The following FBXO8 variants were observed in gnomAD, a reference collection of about 807,000 sequenced individuals.
The protein encoded by FBXO8 is F-box protein 8, also known as F-box only protein 8.
In FBXO8, 15 loss-of-function variants were observed where a neutral mutation model predicts 33.4. The ratio of observed to expected loss-of-function variants is 0.45; its 90% CI spans 0.30 to 0.69. FBXO8 has a LOEUF of 0.69. FBXO8 is among the 30% of genes least tolerant of loss of function. The pLI is 0.08. For synonymous variants in FBXO8, 132 were observed against 131.5 expected (o/e 1.00, Z -0.02); for missense variants, 274 against 380.3 (o/e 0.72, Z 2.32).
rs1293715746 is a variant in FBXO8 at position 174,255,497 on chromosome 4, AT to A, written c.456+4201del. 2.0e-5 allele frequency among the ~76,000 whole-genome samples: 3 copies of A among 151,976 alleles called. No homozygotes were observed. The highest frequency in any genetic ancestry group is 1.3e-4 in the Admixed American group (2 of 15,252). On this transcript the variant is annotated intron_variant, in intron 3 of 5. Coordinates refer to ENST00000393674, the MANE Select transcript of FBXO8 (RefSeq NM_012180.3). This position sits in a 1 kb window ranked among gnomAD's most constrained non-coding sequence, Gnocchi z 4.3. ...CATGTGGATAGGTCAAATTTAAAAT[AT>A]TTTTATAATAGATTATTTAGTAAAA...
At position 174,256,152 on chromosome 4, in the gene FBXO8, G is replaced by A. The variant is rs747901934; in HGVS notation, c.456+3547C>T. 2 of 455,254 alleles carry A rather than the reference G, an allele frequency of 4.4e-6. No homozygotes were observed. Among genetic ancestry groups the A allele is most frequent in the South Asian group, 3.1e-5 (2 of 64,162 alleles). 28.2% of individuals were successfully genotyped at this position (455,254 alleles called of 1,614,324 possible). ...AGAATCTTGTTCCCTGTGGCTGTAA[G>A]TATTCTTATTTTTATAATATTTTAA... On this transcript the variant is annotated intron_variant, in intron 3 of 5. Coordinates refer to ENST00000393674, the MANE Select transcript of FBXO8 (RefSeq NM_012180.3). This position sits in a 1 kb window ranked among gnomAD's most constrained non-coding sequence, Gnocchi z 4.6.
chr4:174,237,557 A>T lies in FBXO8; in HGVS notation c.815T>A (p.Ile272Asn). The change falls in exon 6 of 6, where the codon ATT (isoleucine) becomes AAT (asparagine). Residue 272 changes from isoleucine to asparagine, a missense_variant. Coordinates refer to ENST00000393674, the MANE Select transcript of FBXO8 (RefSeq NM_012180.3). This position sits in a 1 kb window ranked among gnomAD's most constrained non-coding sequence, Gnocchi z 4.4. ...VLCYSLILLS[I>N]DLTSPHVKNK... ...CTTCACATGAGGGCTAGTGAGGTCA[A>T]TGGAAAGTAGAATCAAAGAGTAGCA... The T allele has an allele frequency of 1.2e-6, 2 of 1,613,694 alleles. No homozygotes were observed. The highest frequency in any genetic ancestry group is 2.2e-5 in the South Asian group (2 of 91,048).
Position 174,275,530 on chromosome 4 carries a change from A to G in FBXO8, c.-9+7880T>C, listed in dbSNP as rs1181432275. 6.6e-6 allele frequency among the ~76,000 whole-genome samples: 1 copy of G among 152,192 alleles called. No homozygotes were observed. Among genetic ancestry groups the G allele is most frequent in the Admixed American group, 6.5e-5 (1 of 15,284 alleles). ...ACATCTACAATTATCTTAAAAAATC[A>G]TAGAAGGATGGAAAAAAACAAAAAA... On this transcript the variant is annotated intron_variant, in intron 1 of 5. Coordinates refer to ENST00000393674, the MANE Select transcript of FBXO8 (RefSeq NM_012180.3). The surrounding 1 kb of genome is among the most constrained non-coding windows in gnomAD (Gnocchi z 4.4).
intron 1 of FBXO8, among the ~76,000 whole-genome samples, chr4:174,269,610 G>A (rs940810046): frequency 1.3e-5 from 2 of 151,684 alleles, no homozygotes; most frequent in South Asian, 2.1e-4. Context: ...ACTTGAACCC[G>A]GGAGGCAGAG....
chr4:174,275,441 T>C lies in FBXO8; in HGVS notation c.-9+7969A>G, dbSNP rs1736938695. Among the ~76,000 whole-genome samples the C allele has an allele frequency of 6.6e-6, 1 of 152,138 alleles. No homozygotes were observed. The highest frequency in any genetic ancestry group is 2.4e-5 in the African/African-American group (1 of 41,422). ...TAGTATATTATAGTTACAAAACTAT[T>C]ACCAATCAGAGAAACTAGGTAAAGT... On this transcript the variant is annotated intron_variant, in intron 1 of 5. Coordinates refer to ENST00000393674, the MANE Select transcript of FBXO8 (RefSeq NM_012180.3). This position sits in a 1 kb window ranked among gnomAD's most constrained non-coding sequence, Gnocchi z 4.4.
chr4:174,268,240 CTGTA>C (rs1367125335), intron 1 of FBXO8, among the ~76,000 whole-genome samples: 2 of 152,110 alleles, frequency 1.3e-5, no homozygotes, highest in South Asian at 4.1e-4. Context: ...CATAACCTTA[CTGTA>C]TGTGTGTTTC....
chr4:174,259,893 A>G lies in FBXO8; in HGVS notation c.330-68T>C. 2 of 1,384,504 alleles carry G rather than the reference A, an allele frequency of 1.4e-6. No homozygotes were observed. Among genetic ancestry groups the G allele is most frequent in the Non-Finnish European group, 9.7e-7 (1 of 1,027,602 alleles). The allele number at this position is 1,384,504 out of a possible 1,614,324, so 85.8% of individuals were successfully genotyped here. On this transcript the variant is annotated intron_variant, in intron 2 of 5. Transcript: ENST00000393674. This position sits in a 1 kb window ranked among gnomAD's most constrained non-coding sequence, Gnocchi z 4.3. ...TTAATTTCCTAAGTTAAATATGCAT[A>G]TACATGCAAAAATAGTAACATGAAA...
Position 174,252,644 on chromosome 4 carries a change from T to C in FBXO8, c.456+7055A>G, listed in dbSNP as rs953805478. Among the ~76,000 whole-genome samples the C allele has an allele frequency of 1.4e-5, 2 of 144,586 alleles. No individual in the cohort carries two copies. The highest frequency in any genetic ancestry group is 4.4e-4 in the South Asian group (2 of 4,584). The allele number at this position is 144,586 out of a possible 152,430, so 94.9% of individuals were successfully genotyped here. ...TACATGACACATGTACTTGTGCATG[T>C]GAGTGCATGCACACACACACACACA... is the stretch of plus-strand genomic sequence containing the variant. On this transcript the variant is annotated intron_variant, in intron 3 of 5. Coordinates refer to ENST00000393674, the MANE Select transcript of FBXO8 (RefSeq NM_012180.3). The surrounding 1 kb of genome is among the most constrained non-coding windows in gnomAD (Gnocchi z 5.1).
intron 3 of FBXO8, among the ~76,000 whole-genome samples, chr4:174,258,047 T>G (rs987650340): frequency 6.6e-6 from 1 of 152,164 alleles, no homozygotes; most frequent in Non-Finnish European, 1.5e-5. Flanking sequence ...TATATTTTAT[T>G]ATAAAGTTCA....
chr4:174,260,091 A>T (rs1440157807), intron 2 of FBXO8, among the ~76,000 whole-genome samples: 2 of 152,148 alleles, frequency 1.3e-5, no homozygotes, highest in East Asian at 3.9e-4. Flanking sequence ...TTAAACATAA[A>T]CTATTCCTAA....
chr4:174,244,838 A>G (rs1221772294), intron 3 of FBXO8, among the ~76,000 whole-genome samples: 2 of 151,852 alleles, frequency 1.3e-5, no homozygotes, highest in Admixed American at 6.6e-5. Flanking sequence ...TTGGGAAAAT[A>G]AACTGGTAAA....
At position 174,257,891 on chromosome 4, in the gene FBXO8, A is replaced by G. The variant is rs760999877; in HGVS notation, c.456+1808T>C. On this transcript the variant is annotated intron_variant, in intron 3 of 5. Coordinates refer to ENST00000393674, the MANE Select transcript of FBXO8 (RefSeq NM_012180.3). This position sits in a 1 kb window ranked among gnomAD's most constrained non-coding sequence, Gnocchi z 4.3. ...AAGAATGCACCACAATGCCTAGCTA[A>G]TTTTTTAAAAATTTTTTGTGGAGAC... Among the ~76,000 whole-genome samples, 1 of 151,766 alleles carries G rather than the reference A, an allele frequency of 6.6e-6. No homozygotes were observed. Among genetic ancestry groups the G allele is most frequent in the Non-Finnish European group, 1.5e-5 (1 of 67,954 alleles).
At position 174,259,918 on chromosome 4, in the gene FBXO8, A is replaced by G. The variant is rs1736510663; in HGVS notation, c.330-93T>C. On this transcript the variant is annotated intron_variant, in intron 2 of 5. Coordinates refer to ENST00000393674, the MANE Select transcript of FBXO8 (RefSeq NM_012180.3). The surrounding 1 kb of genome is among the most constrained non-coding windows in gnomAD (Gnocchi z 4.3). ...ATACATGCAAAAATAGTAACATGAA[A>G]TAAGATTGAATTTTATAGTTCTAAA... 7.8e-7 allele frequency: 1 copy of G among 1,278,192 alleles called. No homozygotes were observed. The allele number at this position is 1,278,192 out of a possible 1,614,324, so 79.2% of individuals were successfully genotyped here. A position where few individuals can be genotyped will look rare whatever the true frequency, so the allele number is the denominator to read the frequency against.
rs1305491852 is a variant in FBXO8, at chr4:174,237,495, G to A, written c.877C>T (p.Arg293Cys). 14 of 1,613,752 alleles carry A rather than the reference G, an allele frequency of 8.7e-6. 1 individual carries two copies. Among genetic ancestry groups the A allele is most frequent in the South Asian group, 2.2e-5 (2 of 91,056 alleles). The change falls in exon 6 of 6, where the codon CGT becomes TGT. Residue 293 changes from arginine (R) to cysteine (C), a missense_variant. Transcript: ENST00000393674. This position sits in a 1 kb window ranked among gnomAD's most constrained non-coding sequence, Gnocchi z 4.4. ...MSKREFIRNTRRAAQNISEDF... is the reference protein window; with the variant it reads ...MSKREFIRNTCRAAQNISEDF... The stretch of plus-strand genomic sequence containing the variant: ...TCACTAATATTTTGAGCAGCGCGAC[G>A]GGTATTTCGAATAAATTCCCTTTTT...
At chr4:174,260,142 A>G (rs1253982112) in intron 2 of FBXO8, among the ~76,000 whole-genome samples, 1 of 152,030 alleles carries the variant, frequency 6.6e-6, no homozygotes. Context: ...TACTTACTAG[A>G]TGTCAGACCC....
chr4:174,266,559 G>A (rs903048004), intron 1 of FBXO8, among the ~76,000 whole-genome samples: 10 of 152,136 alleles, frequency 6.6e-5, no homozygotes, highest in African/African-American at 2.2e-4. Flanking sequence ...AAACATGGGT[G>A]TAACTGTCAG....
rs768637314 is a variant in FBXO8, at chr4:174,239,018, T to C, written c.748A>G (p.Met250Val). Reference protein sequence around the residue: ...HRFCACNPDLMRELGLSPDAV... With the variant: ...HRFCACNPDLVRELGLSPDAV... ...CCAGGACTAAGGCCAAGTTCTCGCA[T>C]TAAATCAGGGTTGCAAGCACAGAAT... The change falls in exon 5 of 6, where the codon ATG (methionine) becomes GTG (valine). Residue 250 changes from methionine to valine, a missense_variant. This residue lies in a region of FBXO8 where 186 missense variants were observed against 293.4 expected (regional missense o/e 0.63). Coordinates refer to ENST00000393674, the MANE Select transcript of FBXO8 (RefSeq NM_012180.3). The C allele has an allele frequency of 1.3e-6, 2 of 1,569,666 alleles. No individual in the cohort carries two copies. The highest frequency in any genetic ancestry group is 1.7e-6 in the Non-Finnish European group (2 of 1,156,230).
At position 174,241,542 on chromosome 4, in the gene FBXO8, G is replaced by C. The variant is rs1301514617; in HGVS notation, c.457-324C>G. On this transcript the variant is annotated intron_variant, in intron 3 of 5. Transcript: ENST00000393674. The surrounding 1 kb of genome is among the most constrained non-coding windows in gnomAD (Gnocchi z 4.2). ...GGGCTGCAGATGAAACCACAATACA[G>C]ACGTTAAAACAAGCCTTTTAACAAA... Among the ~76,000 whole-genome samples, 2 of 151,474 alleles carry C rather than the reference G, an allele frequency of 1.3e-5. No homozygotes were observed. The highest frequency in any genetic ancestry group is 4.8e-5 in the African/African-American group (2 of 41,360).
rs1736504503 is a variant in FBXO8 at position 174,259,685 on chromosome 4, A to G, written c.456+14T>C. ...AAAGGTCACTGGATACAAATATTCA[A>G]GTTCTTCACTAACCTCATCTGGGTT... On this transcript the variant is annotated intron_variant, in intron 3 of 5. Coordinates refer to ENST00000393674, the MANE Select transcript of FBXO8 (RefSeq NM_012180.3). This position sits in a 1 kb window ranked among gnomAD's most constrained non-coding sequence, Gnocchi z 4.3. The G allele has an allele frequency of 6.2e-7, 1 of 1,606,028 alleles. No individual in the cohort carries two copies.
Sources: allele counts gnomAD v4.1 joint callset (sites outside exome capture counted in the v4.1 genomes callset), GRCh38; gene constraint gnomAD v4.1.1; regional missense constraint gnomAD v4.1.1; non-coding constraint Gnocchi (gnomAD v3.1); transcripts MANE v1.5; gene names NCBI Gene and HGNC (gene_info 2026-07-23, HGNC 2026-07-21).